RASGRF1: variants seen among roughly 807,000 people sequenced by gnomAD.
RASGRF1 encodes ras-specific guanine nucleotide-releasing factor 1.
A neutral mutation model predicts 138.7 loss-of-function variants in RASGRF1; 40 were observed. The observed-to-expected ratio is 0.29, with a 90% CI of 0.22 to 0.38. RASGRF1 has a LOEUF of 0.38. RASGRF1 is among the 10% of genes least tolerant of loss of function. The pLI is 1.00. For synonymous variants in RASGRF1, 614 were observed against 663.2 expected, an observed-to-expected ratio of 0.93 and a Z score of 1.14; for missense variants, 1,108 against 1,650.4, an observed-to-expected ratio of 0.67 and a Z score of 5.69.
chr15:78,989,016 G>A (rs1409681970), intron 22 of RASGRF1, among the ~76,000 whole-genome samples: 1 of 152,124 alleles, frequency 6.6e-6, no homozygotes. Context: ...CTTTCAATGA[G>A]ATTACTATGC....
At chr15:79,021,060 T>C (rs1003423269) in intron 10 of RASGRF1, among the ~76,000 whole-genome samples, 1 of 152,162 alleles carries the variant, frequency 6.6e-6, no homozygotes, top group Non-Finnish European at 1.5e-5. Flanking sequence ...GCATATCATC[T>C]TGGAAAAGGA....
chr15:79,065,921 G>GAA (rs2057674168), intron 1 of RASGRF1, among the ~76,000 whole-genome samples: 1 of 151,504 alleles, frequency 6.6e-6, no homozygotes. Context: ...GGGGCGGGGG[G>GAA]AATGAGTATG....
intron 17 of RASGRF1, among the ~76,000 whole-genome samples, 197 bp downstream of exon 17, chr15:78,999,546 C>T (rs761868155): frequency 6.6e-6 from 1 of 152,090 alleles, no homozygotes; most frequent in Non-Finnish European, 1.5e-5. Context: ...CAGGAAGCTT[C>T]GTGTCCAGTG....
rs1309976654 is a variant in RASGRF1 at position 78,985,108 on chromosome 15, G to C, written c.3313C>G (p.Arg1105Gly). ...ACGGCATTGTAGTTGTGGAGGCAGC[G>C]GCATATGTCAGCTACGGCCACCCAC... ...EKWVAVADIC[R>G]CLHNYNAVLE... Residue 1105 changes from arginine (R) to glycine (G), a missense_variant, in exon 23 of 27, where the codon CGC becomes GGC. Around this residue, in one of 3 missense-constraint regions of RASGRF1, gnomAD observed 686 missense variants for 976.7 expected, o/e 0.70. Transcript: ENST00000558480. 10 of 1,613,264 alleles carry C rather than the reference G, an allele frequency of 6.2e-6. No homozygotes were observed. The highest frequency in any genetic ancestry group is 8.5e-6 in the Non-Finnish European group (10 of 1,179,362).
intron 5 of RASGRF1, among the ~76,000 whole-genome samples, chr15:79,041,856 A>T (rs1181298919): frequency 6.6e-6 from 1 of 152,184 alleles, no homozygotes; most frequent in Non-Finnish European, 1.5e-5. Context: ...CCATGCAGAC[A>T]GGATGAATTG....
At position 79,006,082 on chromosome 15, in the gene RASGRF1, C is replaced by T. The variant is rs2056666678; in HGVS notation, c.2075+104G>A. The T allele has an allele frequency of 2.0e-6, 3 of 1,504,030 alleles. No individual in the cohort carries two copies. Among genetic ancestry groups the T allele is most frequent in the Non-Finnish European group, 2.7e-6 (3 of 1,104,624 alleles). The allele number at this position is 1,504,030 out of a possible 1,614,324, so 93.2% of individuals were successfully genotyped here. A position where few individuals can be genotyped will look rare whatever the true frequency, so the allele number is the denominator to read the frequency against. ...AGCACCCCAACACGTTACTGCTGCT[C>T]CTCCAGGGACCTTCCAGGTCACCCC... On this transcript the variant is annotated intron_variant, in intron 14 of 26. Coordinates refer to ENST00000558480, the MANE Select transcript of RASGRF1 (RefSeq NM_001145648.3). The surrounding 1 kb of genome is among the most constrained non-coding windows in gnomAD (Gnocchi z 4.0).
chr15:78,974,312 C>T (rs1355234726), intron 24 of RASGRF1, among the ~76,000 whole-genome samples: 3 of 152,208 alleles, frequency 2.0e-5, no homozygotes, highest in Non-Finnish European at 4.4e-5. Flanking sequence ...GATGCGGTGG[C>T]ATCATCGAGC....
chr15:78,991,507 A>C (rs948574446), intron 21 of RASGRF1, among the ~76,000 whole-genome samples, 184 bp downstream of exon 21: 3 of 152,122 alleles, frequency 2.0e-5, no homozygotes, highest in African/African-American at 7.2e-5. Context: ...ACAGGTAAGG[A>C]GAGAATTTGG....
intron 7 of RASGRF1, 125 bp from the exon 8 acceptor site, chr15:79,031,634 A>C: frequency 5.5e-6 from 1 of 182,868 alleles, no homozygotes; most frequent in Non-Finnish European, 1.1e-5. Flanking sequence ...GAGGGAGAGG[A>C]AGGGAGGGAG....
At chr15:79,045,418 T>C (rs1369849423) in intron 5 of RASGRF1, among the ~76,000 whole-genome samples, 1 of 152,266 alleles carries the variant, frequency 6.6e-6, no homozygotes, top group Non-Finnish European at 1.5e-5. Flanking sequence ...TTCTCTTTTT[T>C]GTTGTTGTTT....
intron 2 of RASGRF1, among the ~76,000 whole-genome samples, chr15:79,060,176 T>C (rs973007184): frequency 2.0e-5 from 3 of 152,176 alleles, no homozygotes; most frequent in Admixed American, 6.5e-5. Context: ...CCAGGATGGC[T>C]GATGATGATG....
In RASGRF1 at chr15:79,001,650, G is replaced by T. The variant is rs760617286; in HGVS notation, c.2575+12C>A. Reference sequence around the variant, plus strand: ...GGAAATCTATTTGTGGTTTTGAATTGGTGCATTGTACCTGAAGAATTTTTG... The same window carrying T: ...GGAAATCTATTTGTGGTTTTGAATTTGTGCATTGTACCTGAAGAATTTTTG... On this transcript the variant is annotated intron_variant, in intron 16 of 26. Transcript: ENST00000558480. The T allele has an allele frequency of 8.1e-6, 13 of 1,612,290 alleles. No homozygotes were observed. The highest frequency in any genetic ancestry group is 1.1e-5 in the Non-Finnish European group (13 of 1,179,008).
At chr15:78,976,275 T>A (rs2055868498) in intron 24 of RASGRF1, among the ~76,000 whole-genome samples, 1 of 152,152 alleles carries the variant, frequency 6.6e-6, no homozygotes, top group African/African-American at 2.4e-5. Flanking sequence ...CTGTCCCTAT[T>A]TACTACCTCT....
At chr15:79,056,364 A>T (rs891916273) in intron 3 of RASGRF1, among the ~76,000 whole-genome samples, 2 of 152,184 alleles carry the variant, frequency 1.3e-5, no homozygotes, top group African/African-American at 4.8e-5. Flanking sequence ...ACAGGAGTTC[A>T]GTTTAGATTT....
rs33965910 is a variant in RASGRF1, at chr15:78,997,736, CAA to C, written c.2966+358_2966+359del. Among the ~76,000 whole-genome samples, 478 of 112,360 alleles carry C rather than the reference CAA, an allele frequency of 4.3e-3. 6 individuals are homozygous for C. The highest frequency in any genetic ancestry group is 0.016 in the African/African-American group (462 of 28,252). The allele number at this position is 112,360 out of a possible 152,430, so 73.7% of individuals were successfully genotyped here. A position where few individuals can be genotyped will look rare whatever the true frequency, so the allele number is the denominator to read the frequency against. The stretch of plus-strand genomic sequence containing the variant: ...GGGTGACAAGAGCGAGACTTCGCCT[CAA>C]AAAAAAAAAAAAAAAAGATTTAAAT... On this transcript the variant is annotated intron_variant, in intron 19 of 26. Transcript: ENST00000558480.
At chr15:78,970,013 G>A (rs535336477) in intron 26 of RASGRF1, among the ~76,000 whole-genome samples, 36 of 152,244 alleles carry the variant, frequency 2.4e-4, no homozygotes, top group Non-Finnish European at 1.0e-4. Flanking sequence ...CCTTCGATAC[G>A]GCTATCAGCT....
In RASGRF1 at chr15:78,999,746, C is replaced by G; in HGVS notation, c.2743G>C (p.Ala915Pro). The G allele has an allele frequency of 6.2e-7, 1 of 1,613,538 alleles. No individual in the cohort carries two copies. Among genetic ancestry groups the G allele is most frequent in the South Asian group, 1.1e-5 (1 of 91,050 alleles). The change falls in exon 17 of 27, where the codon GCA becomes CCA. Residue 915 changes from alanine to proline, a missense_variant. Coordinates refer to ENST00000558480, the MANE Select transcript of RASGRF1 (RefSeq NM_001145648.3). ...GAGTGGAGAACACCCCACATACCTGCACTGGCTAAGGACATCCTCCGGTAC... is the reference window on the plus strand; with the variant it reads ...GAGTGGAGAACACCCCACATACCTGGACTGGCTAAGGACATCCTCCGGTAC... ...EKYRRMSLAS[A>P]GFPPDQRNGD...
chr15:78,997,379 C>T (rs1408087575), intron 19 of RASGRF1, among the ~76,000 whole-genome samples: 1 of 152,202 alleles, frequency 6.6e-6, no homozygotes, highest in Non-Finnish European at 1.5e-5. Flanking sequence ...GAAGCTGAGG[C>T]TGCTGGGCTC....
chr15:78,997,432 T>C (rs1478525081), intron 19 of RASGRF1, among the ~76,000 whole-genome samples: 2 of 152,142 alleles, frequency 1.3e-5, no homozygotes, highest in Non-Finnish European at 2.9e-5. Flanking sequence ...TTAATTTTCA[T>C]TAAGATTTAA....
Sources: gnomAD v4.1 joint callset for allele counts (sites outside exome capture counted in the v4.1 genomes callset) on GRCh38, gnomAD v4.1.1 for gene constraint, gnomAD v4.1.1 regional missense constraint, Gnocchi (gnomAD v3.1) non-coding constraint, MANE v1.5 for transcripts, NCBI Gene and HGNC (gene_info 2026-07-23, HGNC 2026-07-21) for gene names.